Variants in LIMCH1 observed in about 807,000 individuals in gnomAD.
The protein encoded by LIMCH1 is LIM and calponin homology domains 1.
LIMCH1 carries 113 observed loss-of-function variants against 176.5 expected under a neutral mutation model. The ratio of observed to expected loss-of-function variants is 0.64; its 90% CI spans 0.55 to 0.75. LIMCH1 has a LOEUF of 0.75. LIMCH1 is among the 30% of genes least tolerant of loss of function. The probability of loss-of-function intolerance (pLI) is 0.00; values close to 1 mark genes in which losing one functional copy is unlikely to be tolerated. For missense variants in LIMCH1, 1,674 were observed against 1,814.9 expected (o/e 0.92, Z 1.41); for synonymous variants, 619 against 645.9 (o/e 0.96, Z 0.63).
intron 1 of LIMCH1, among the ~76,000 whole-genome samples, chr4:41,597,013 C>T (rs1349471966): frequency 6.6e-6 from 1 of 152,154 alleles, no homozygotes; most frequent in Non-Finnish European, 1.5e-5. Context: ...TTCACACCGT[C>T]TACCTCCCCC....
chr4:41,592,823 C>T (rs1200327583), intron 1 of LIMCH1, among the ~76,000 whole-genome samples: 1 of 152,096 alleles, frequency 6.6e-6, no homozygotes, highest in Non-Finnish European at 1.5e-5. Flanking sequence ...CTATTTGTGC[C>T]CTGTTCCTTG....
At chr4:41,682,678 C>T (rs61249062) in intron 26 of LIMCH1, among the ~76,000 whole-genome samples, 40,728 of 138,560 alleles carry the variant, frequency 0.29, 6,356 homozygotes, top group Middle Eastern at 0.4. Context: ...TCTTCTTCTT[C>T]TTTTTTTTTT....
intron 1 of LIMCH1, among the ~76,000 whole-genome samples, chr4:41,581,900 A>G: frequency 6.6e-6 from 1 of 151,824 alleles, no homozygotes; most frequent in Admixed American, 6.6e-5. Context: ...CACTTGGCAT[A>G]ATGTCCTCCA....
At chr4:41,370,277 A>T (rs2154096863) in intron 1 of LIMCH1, among the ~76,000 whole-genome samples, 1 of 152,214 alleles carries the variant, frequency 6.6e-6, no homozygotes, top group South Asian at 2.1e-4. Context: ...ACTTCTTAGG[A>T]TGAGGGAAAG....
chr4:41,391,559 A>G (rs1000901642), intron 1 of LIMCH1, among the ~76,000 whole-genome samples: 46 of 152,302 alleles, frequency 3.0e-4, no homozygotes, highest in Non-Finnish European at 1.0e-4. Flanking sequence ...CTTATCAAGT[A>G]TTCAAGATGA....
rs576577111 is a variant in LIMCH1 at position 41,444,245 on chromosome 4, T to C, written c.97-50291T>C. Among the ~76,000 whole-genome samples, 10 of 151,808 alleles carry C rather than the reference T, an allele frequency of 6.6e-5. No individual in the cohort carries two copies. In the East Asian group the frequency reaches 2.0e-3, roughly 30 times the overall value. ...TACTCCTAAACGACTTTTTGGTGAC[T>C]TTTCAGTCATATTACATATGACTGA... On this transcript the variant is annotated intron_variant, in intron 1 of 26. Coordinates refer to the LIMCH1 transcript ENST00000313860.
intron 1 of LIMCH1, among the ~76,000 whole-genome samples, chr4:41,375,790 A>G (rs1022907106): frequency 2.0e-5 from 3 of 152,258 alleles, no homozygotes; most frequent in Non-Finnish European, 4.4e-5. Context: ...GGTCCTACCC[A>G]GGGCGAGTAC....
intron 2 of LIMCH1, among the ~76,000 whole-genome samples, chr4:41,509,269 A>G (rs1328243592): frequency 6.6e-6 from 1 of 152,106 alleles, no homozygotes; most frequent in Non-Finnish European, 1.5e-5. Context: ...CCTCAGAGCA[A>G]CCCCAGTGAA....
chr4:41,544,542 T>C (rs1490262696), intron 1 of LIMCH1, among the ~76,000 whole-genome samples: 1 of 152,194 alleles, frequency 6.6e-6, no homozygotes, highest in Non-Finnish European at 1.5e-5. Context: ...AGGTGCCCAG[T>C]GGTTCCCTAA....
At chr4:41,418,714 T>A (rs536415114) in intron 1 of LIMCH1, 2 of 152,334 alleles carry the variant, frequency 1.3e-5, no homozygotes, top group Admixed American at 1.3e-4. Context: ...TAGTGTGTGG[T>A]TAGGCAGCCA....
At chr4:41,685,656 G>A in intron 27 of LIMCH1, 54 bp from the exon 28 acceptor site, 26 of 1,605,198 alleles carry the variant, frequency 1.6e-5, no homozygotes, top group Non-Finnish European at 2.2e-5. Context: ...TGACTTCCTA[G>A]GTAGTAAGGT....
chr4:41,623,682 A>C (rs2092744390), intron 7 of LIMCH1, among the ~76,000 whole-genome samples: 3 of 151,896 alleles, frequency 2.0e-5, no homozygotes, highest in Admixed American at 2.0e-4. Context: ...AATTGCTTGA[A>C]CCCGGGAGGC....
intron 1 of LIMCH1, among the ~76,000 whole-genome samples, chr4:41,368,878 G>A (rs1026512577): frequency 6.6e-6 from 1 of 152,172 alleles, no homozygotes; most frequent in African/African-American, 2.4e-5. Context: ...TTGTGTTTGA[G>A]CCTAGACTCT....
At chr4:41,551,715 T>G (rs1230741226) in intron 1 of LIMCH1, among the ~76,000 whole-genome samples, 1 of 152,190 alleles carries the variant, frequency 6.6e-6, no homozygotes, top group Non-Finnish European at 1.5e-5. Flanking sequence ...ATTTCTAATT[T>G]CAGTGTCTAT....
chr4:41,486,612 C>A (rs1017346402), intron 1 of LIMCH1, among the ~76,000 whole-genome samples: 1 of 152,050 alleles, frequency 6.6e-6, no homozygotes, highest in South Asian at 2.1e-4. Flanking sequence ...GAAGGTCTTC[C>A]CTCTGTGGTT....
At chr4:41,613,379 G>GT (rs1181203224) in intron 4 of LIMCH1, 87 bp from the exon 5 acceptor site, 45 of 1,143,740 alleles carry the variant, frequency 3.9e-5, no homozygotes, top group Admixed American at 4.7e-5. Context: ...ATATGCAGGG[G>GT]TTTTTTTGGA....
At chr4:41,566,769 T>G (rs2082831234) in intron 1 of LIMCH1, among the ~76,000 whole-genome samples, 1 of 152,272 alleles carries the variant, frequency 6.6e-6, no homozygotes, top group South Asian at 2.1e-4. Flanking sequence ...CAATTTTTAT[T>G]TGTTAATTAT....
chr4:41,494,668 G>A lies in LIMCH1; in HGVS notation c.167+62G>A, dbSNP rs888899504. ...AAACATCATTAATACTATCCAGTTTGGCTGTAAGACTTCTAGTGTTTTGTT... is the reference window on the plus strand; with the variant it reads ...AAACATCATTAATACTATCCAGTTTAGCTGTAAGACTTCTAGTGTTTTGTT... On this transcript the variant is annotated intron_variant, in intron 2 of 26. Coordinates refer to the LIMCH1 transcript ENST00000313860. 5 of 1,059,148 alleles carry A rather than the reference G, an allele frequency of 4.7e-6. No homozygotes were observed. The African/African-American group carries it at 8.1e-5, about 17-fold the overall frequency. The allele number at this position is 1,059,148 out of a possible 1,614,324, so 65.6% of individuals were successfully genotyped here. A position where few individuals can be genotyped will look rare whatever the true frequency, so the allele number is the denominator to read the frequency against.
At chr4:41,663,275 T>C (rs556005291) in intron 20 of LIMCH1, among the ~76,000 whole-genome samples, 1 of 152,146 alleles carries the variant, frequency 6.6e-6, no homozygotes, top group South Asian at 2.1e-4. Context: ...TGCCTTAGGC[T>C]CCCGAGTAGC....
Sources: allele counts gnomAD v4.1 joint callset (sites outside exome capture counted in the v4.1 genomes callset), GRCh38; gene constraint gnomAD v4.1.1; transcripts MANE v1.5; gene names NCBI Gene and HGNC (gene_info 2026-07-23, HGNC 2026-07-21).